Variants in C1QTNF7 observed in about 807,000 individuals in gnomAD.
The protein encoded by C1QTNF7 is C1q and TNF related 7, also known as complement C1q tumor necrosis factor-related protein 7.
In C1QTNF7, 15 loss-of-function variants were observed where a neutral mutation model predicts 19.6. That is an observed-to-expected ratio of 0.76 (90% CI 0.51 to 1.18). The LOEUF (loss-of-function observed/expected upper bound fraction) is 1.18, where lower values mean the gene tolerates loss of function less well. Among genes scored for constraint, C1QTNF7 ranks in the 50% most tolerant of loss-of-function variants. C1QTNF7 has a pLI of 0.00. For synonymous variants in C1QTNF7, 142 were observed against 137.5 expected, an observed-to-expected ratio of 1.03 and a Z score of -0.23; for missense variants, 324 against 359.7, an observed-to-expected ratio of 0.90 and a Z score of 0.80.
intron 1 of C1QTNF7, among the ~76,000 whole-genome samples, chr4:15,354,850 G>T (rs1005400724): frequency 6.6e-6 from 1 of 152,048 alleles, no homozygotes; most frequent in Non-Finnish European, 1.5e-5. Flanking sequence ...CAACAGAATG[G>T]GAAGGGTTCA....
intron 1 of C1QTNF7, among the ~76,000 whole-genome samples, chr4:15,354,656 T>A (rs948369516): frequency 6.6e-6 from 1 of 152,004 alleles, no homozygotes; most frequent in African/African-American, 2.4e-5. Flanking sequence ...GATGTGGAAA[T>A]GTCATGAGAA....
At chr4:15,359,052 C>T (rs940509323) in intron 1 of C1QTNF7, among the ~76,000 whole-genome samples, 1 of 152,260 alleles carries the variant, frequency 6.6e-6, no homozygotes, top group East Asian at 1.9e-4. Flanking sequence ...ACTCTCCTTT[C>T]CCCTTTCAGA....
chr4:15,422,013 T>G (rs1711792814), intron 1 of C1QTNF7, among the ~76,000 whole-genome samples: 1 of 152,102 alleles, frequency 6.6e-6, no homozygotes, highest in African/African-American at 2.4e-5. Flanking sequence ...GATCAGAGGT[T>G]GCAGGCAGCT....
At chr4:15,432,114 T>C (rs1306808635) in intron 1 of C1QTNF7, among the ~76,000 whole-genome samples, 1 of 152,074 alleles carries the variant, frequency 6.6e-6, no homozygotes, top group Non-Finnish European at 1.5e-5. Flanking sequence ...CCTAGTGTCT[T>C]TGAGGAGCAC....
chr4:15,387,559 A>C (rs1399243644), intron 1 of C1QTNF7, among the ~76,000 whole-genome samples: 1 of 152,194 alleles, frequency 6.6e-6, no homozygotes, highest in Non-Finnish European at 1.5e-5. Flanking sequence ...GAAGGACAAG[A>C]GAAGAAAGAG....
intron 1 of C1QTNF7, among the ~76,000 whole-genome samples, chr4:15,412,858 A>G (rs1394280404): frequency 1.3e-5 from 2 of 152,356 alleles, no homozygotes; most frequent in African/African-American, 4.8e-5. Flanking sequence ...AATAGGAGAC[A>G]GAGATCACAT....
chr4:15,339,977 T>A, exon 1 of C1QTNF7: 1 of 631,182 alleles, frequency 1.6e-6, no homozygotes, highest in Non-Finnish European at 2.8e-6. Context: ...GAAAGACAGT[T>A]GCAAAACTTC....
chr4:15,424,009 G>A (rs1711921764), upstream of C1QTNF7, among the ~76,000 whole-genome samples: 1 of 152,092 alleles, frequency 6.6e-6, no homozygotes. Flanking sequence ...AATATGAAAT[G>A]AATAAAAAAT....
At chr4:15,368,688 A>C (rs568926379) in intron 1 of C1QTNF7, among the ~76,000 whole-genome samples, 2 of 152,176 alleles carry the variant, frequency 1.3e-5, no homozygotes, top group South Asian at 4.1e-4. Context: ...TCCATTCTAT[A>C]ATTGATGGGC....
chr4:15,365,440 A>G (rs768320404), intron 1 of C1QTNF7, among the ~76,000 whole-genome samples: 1 of 152,206 alleles, frequency 6.6e-6, no homozygotes, highest in Non-Finnish European at 1.5e-5. Context: ...CACATTTGCC[A>G]TCAAAAGAAG....
intron 1 of C1QTNF7, among the ~76,000 whole-genome samples, chr4:15,367,542 G>C (rs959138026): frequency 1.3e-5 from 2 of 152,180 alleles, no homozygotes; most frequent in African/African-American, 4.8e-5. Context: ...GGATGTATGT[G>C]TATCAATGTC....
At chr4:15,407,909 G>A (rs893173789) in intron 1 of C1QTNF7, among the ~76,000 whole-genome samples, 10 of 151,972 alleles carry the variant, frequency 6.6e-5, no homozygotes, top group Admixed American at 6.6e-4. Flanking sequence ...TGGGTGACAA[G>A]AGCGAAACTC....
intron 1 of C1QTNF7, among the ~76,000 whole-genome samples, chr4:15,368,087 T>C (rs552820019): frequency 6.6e-6 from 1 of 152,168 alleles, no homozygotes; most frequent in Admixed American, 6.6e-5. Context: ...ATGCAACCAC[T>C]TATCTGACTG....
At position 15,435,987 on chromosome 4, in the gene C1QTNF7, G is replaced by A. The variant is rs116727000; in HGVS notation, c.238+6G>A. 3.9e-4 allele frequency: 629 copies of A among 1,610,156 alleles called. 2 individuals carry two copies. In the African/African-American group the frequency reaches 7.5e-3, roughly 19 times the overall value. Reference sequence around the variant, plus strand: ...AGGTGAAAAGGGAACTGCAGGTAATGAATGAGAAGTTGCATAAAACACCCT... The same window carrying A: ...AGGTGAAAAGGGAACTGCAGGTAATAAATGAGAAGTTGCATAAAACACCCT... On this transcript the variant is annotated splice_donor_region_variant and intron_variant, in intron 2 of 2. Coordinates refer to ENST00000444304, the MANE Select transcript of C1QTNF7 (RefSeq NM_031911.5).
At chr4:15,396,850 G>A (rs1433895222) in intron 1 of C1QTNF7, among the ~76,000 whole-genome samples, 4 of 152,094 alleles carry the variant, frequency 2.6e-5, no homozygotes, top group African/African-American at 2.4e-5. Flanking sequence ...CCAGAGAAAG[G>A]GACACAGGCA....
chr4:15,407,106 A>ATT (rs973518857), intron 1 of C1QTNF7, among the ~76,000 whole-genome samples: 1 of 152,146 alleles, frequency 6.6e-6, no homozygotes, highest in Non-Finnish European at 1.5e-5. Flanking sequence ...GCGGCTCTTA[A>ATT]TTATTTTCAA....
intron 2 of C1QTNF7, among the ~76,000 whole-genome samples, chr4:15,440,638 C>A (rs1324371455): frequency 1.3e-5 from 2 of 152,026 alleles, no homozygotes; most frequent in African/African-American, 4.8e-5. Context: ...GATCTGCGGA[C>A]CTCGTTATCT....
chr4:15,346,815 GA>G (rs760751692), intron 1 of C1QTNF7, among the ~76,000 whole-genome samples: 35 of 152,140 alleles, frequency 2.3e-4, no homozygotes, highest in Middle Eastern at 3.2e-3. Flanking sequence ...AGGGGCCTTT[GA>G]AGGATCTGCT....
intron 1 of C1QTNF7, among the ~76,000 whole-genome samples, chr4:15,429,730 G>A (rs557666309): frequency 2.6e-5 from 4 of 152,188 alleles, no homozygotes; most frequent in South Asian, 4.2e-4. Context: ...TTGCTGCTAC[G>A]AACATGCATG....
Sources: allele counts gnomAD v4.1 joint callset (sites outside exome capture counted in the v4.1 genomes callset), GRCh38; gene constraint gnomAD v4.1.1; transcripts MANE v1.5; gene names NCBI Gene and HGNC (gene_info 2026-07-23, HGNC 2026-07-21).